The following TNFRSF18 variants were observed in gnomAD, a reference collection of about 807,000 sequenced individuals.
TNFRSF18 encodes TNF receptor superfamily member 18.
A neutral mutation model predicts 30.2 loss-of-function variants in TNFRSF18; 36 were observed. The ratio of observed to expected loss-of-function variants is 1.19; its 90% CI spans 0.91 to 1.58. TNFRSF18 has a LOEUF of 1.58. Among genes scored for constraint, TNFRSF18 ranks in the 40% most tolerant of loss-of-function variants. The probability of loss-of-function intolerance (pLI) is 0.00; values close to 1 mark genes in which losing one functional copy is unlikely to be tolerated. For synonymous variants in TNFRSF18, 173 were observed against 158.3 expected, an observed-to-expected ratio of 1.09 and a Z score of -0.70; for missense variants, 369 against 345.4, an observed-to-expected ratio of 1.07 and a Z score of -0.54.
Position 1,203,559 on chromosome 1 carries a change from G to T in TNFRSF18, c.*285C>A. The T allele has an allele frequency of 6.8e-7, 1 of 1,480,466 alleles. No homozygotes were observed. The allele number at this position is 1,480,466 out of a possible 1,614,324, so 91.7% of individuals were successfully genotyped here. ...CCCCTGCAGCCGGGTCCCGTGCTGG[G>T]CACTGCACACCCACGGACACAGCCT... On this transcript the variant is annotated 3_prime_UTR_variant, in exon 5 of 5. Transcript: ENST00000379268.
chr1:1,204,830 C>T lies in TNFRSF18; in HGVS notation c.311-344G>A, dbSNP rs181816508. Among the ~76,000 whole-genome samples the T allele has an allele frequency of 4.1e-3, 617 of 152,218 alleles. 6 individuals are homozygous for T. The highest frequency in any genetic ancestry group is 0.014 in the African/African-American group (577 of 41,496). On this transcript the variant is annotated intron_variant, in intron 2 of 4. Transcript: ENST00000379268. Reference sequence around the variant, plus strand: ...ACAGAGGGTGGAGAACAGTGAGGGTCCCAGAGAGAGTGAGGCTGGGTCCCA... The same window carrying T: ...ACAGAGGGTGGAGAACAGTGAGGGTTCCAGAGAGAGTGAGGCTGGGTCCCA...
chr1:1,205,684 G>T, intron 1 of TNFRSF18, 192 bp from the exon 2 acceptor site: 1 of 627,834 alleles, frequency 1.6e-6, no homozygotes, highest in Non-Finnish European at 2.7e-6. Flanking sequence ...GGGCCATGTG[G>T]CCTGGCTACT....
At position 1,205,002 on chromosome 1, in the gene TNFRSF18, G is replaced by C. The variant is rs564260219; in HGVS notation, c.310+368C>G. ...GCTGCTCCTTCCAGAACAGGGTGCA[G>C]CCCCAGGCCCCAGACAGGACTCCGG... On this transcript the variant is annotated intron_variant, in intron 2 of 4. Transcript: ENST00000379268. Among the ~76,000 whole-genome samples the C allele has an allele frequency of 1.3e-4, 20 of 152,308 alleles. No individual in the cohort carries two copies. In the South Asian group the frequency reaches 2.9e-3, roughly 22 times the overall value.
chr1:1,205,753 G>C, intron 1 of TNFRSF18: 1 of 491,676 alleles, frequency 2.0e-6, no homozygotes, highest in East Asian at 3.8e-5. Context: ...GCAACCAGGA[G>C]CTGCCCCTGC....
Position 1,204,441 on chromosome 1 carries a change from G to A in TNFRSF18, c.356C>T (p.Thr119Ile). 6.2e-7 allele frequency: 1 copy of A among 1,610,210 alleles called. No homozygotes were observed. ...GTGGCCTTCGTGGCCCCCGGAGAAG[G>A]TCCCCGAGGCACAGTCGATACACTG... ...GFQCIDCASG[T>I]FSGGHEGHCK... Residue 119 changes from threonine (T) to isoleucine (I), a missense_variant, in exon 3 of 5, where the codon ACC becomes ATC. Transcript: ENST00000379268.
At position 1,205,442 on chromosome 1, in the gene TNFRSF18, G is replaced by A; in HGVS notation, c.238C>T (p.His80Tyr). ...WDCMCVQPEFHCGDPCCTTCR... is the reference protein window; with the variant it reads ...WDCMCVQPEFYCGDPCCTTCR... ...GTCGTGCAGCAAGGGTCTCCGCAGT[G>A]GAATTCAGGCTGGACACACATGCAG... The change falls in exon 2 of 5, where the codon CAC becomes TAC. Residue 80 changes from histidine (H) to tyrosine (Y), a missense_variant. By Grantham distance (83) the His-to-Tyr change is moderately conservative (BLOSUM62 2). Transcript: ENST00000379268. The A allele has an allele frequency of 6.2e-7, 1 of 1,612,616 alleles. No individual in the cohort carries two copies. Among genetic ancestry groups the A allele is most frequent in the Admixed American group, 1.7e-5 (1 of 60,000 alleles).
In TNFRSF18 at chr1:1,203,665, G is replaced by A; in HGVS notation, c.*179C>T. The stretch of plus-strand genomic sequence containing the variant: ...TGTGTCTCTCTCTCCCTCCTGCAGG[G>A]CCCAGCCGCGGCCGCCGAACTGCAT... On this transcript the variant is annotated 3_prime_UTR_variant, in exon 5 of 5. Transcript: ENST00000379268. 1 of 1,549,370 alleles carries A rather than the reference G, an allele frequency of 6.5e-7. No individual in the cohort carries two copies. Among genetic ancestry groups the A allele is most frequent in the Non-Finnish European group, 8.7e-7 (1 of 1,155,530 alleles).
intron 1 of TNFRSF18, among the ~76,000 whole-genome samples, chr1:1,206,173 C>G (rs758998069): frequency 1.1e-4 from 16 of 152,196 alleles, no homozygotes; most frequent in Admixed American, 3.3e-4. Flanking sequence ...CACCCCTGCT[C>G]CCGGCCGGGG....
In TNFRSF18 at chr1:1,204,192, G is replaced by A. The variant is rs916776119; in HGVS notation, c.443C>T (p.Thr148Ile). Residue 148 changes from threonine to isoleucine, a missense_variant, in exon 4 of 5, where the codon ACC becomes ATC. Coordinates refer to ENST00000379268, the MANE Select transcript of TNFRSF18 (RefSeq NM_004195.3). Reference sequence around the variant, plus strand: ...CCCTGGGACGCACACAGCGTTGTGGGTCTTGTTCCCAGGGAACACAGTGAG... The same window carrying A: ...CCCTGGGACGCACACAGCGTTGTGGATCTTGTTCCCAGGGAACACAGTGAG... ...GFLTVFPGNK[T>I]HNAVCVPGSP... 15 of 1,612,134 alleles carry A rather than the reference G, an allele frequency of 9.3e-6. No individual in the cohort carries two copies. The highest frequency in any genetic ancestry group is 1.3e-5 in the Non-Finnish European group (15 of 1,179,664).
In TNFRSF18 at chr1:1,205,328, C is replaced by A. The variant is rs772997527; in HGVS notation, c.310+42G>T. On this transcript the variant is annotated intron_variant, in intron 2 of 4. Coordinates refer to ENST00000379268, the MANE Select transcript of TNFRSF18 (RefSeq NM_004195.3). The stretch of plus-strand genomic sequence containing the variant: ...GCTCTGCCTCGGGCCCTAGTGGAAC[C>A]CCTGGCCTGTGTGGACTCCCAGAGG... The A allele has an allele frequency of 2.5e-6, 4 of 1,595,054 alleles. No homozygotes were observed. In the African/African-American group the frequency reaches 5.4e-5, roughly 21 times the overall value.
chr1:1,206,221 G>C (rs1648817927), intron 1 of TNFRSF18, among the ~76,000 whole-genome samples, 164 bp downstream of exon 1: 1 of 152,184 alleles, frequency 6.6e-6, no homozygotes, highest in Non-Finnish European at 1.5e-5. Context: ...CCTCCCTCTG[G>C]GATCCTGCCT....
In TNFRSF18 at chr1:1,204,446, C is replaced by T. The variant is rs765264353; in HGVS notation, c.351G>A (p.Ser117=). The change falls in exon 3 of 5, where the codon TCG becomes TCA. Residue 117 remains serine, a synonymous_variant. Transcript: ENST00000379268. ...SFGFQCIDCA[S]GTFSGGHEGH... ...CTTCGTGGCCCCCGGAGAAGGTCCCCGAGGCACAGTCGATACACTGGAAGC... is the reference window on the plus strand; with the variant it reads ...CTTCGTGGCCCCCGGAGAAGGTCCCTGAGGCACAGTCGATACACTGGAAGC... 2.4e-5 allele frequency: 38 copies of T among 1,583,120 alleles called. No homozygotes were observed. In the East Asian group the frequency reaches 3.5e-4, roughly 15 times the overall value.
chr1:1,203,756 G>T lies in TNFRSF18; in HGVS notation c.*88C>A, dbSNP rs766241315. 1.3e-6 allele frequency: 2 copies of T among 1,561,498 alleles called. No individual in the cohort carries two copies. Among genetic ancestry groups the T allele is most frequent in the Admixed American group, 1.8e-5 (1 of 54,442 alleles). ...TCTGCTGCCAGGGGAGCAGGGCCCG[G>T]CCCAGAGCAGAACGCAGAGCCCCTG... On this transcript the variant is annotated 3_prime_UTR_variant, in exon 5 of 5. Transcript: ENST00000379268.
Position 1,205,417 on chromosome 1 carries a change from G to A in TNFRSF18, c.263C>T (p.Thr88Ile). ...EFHCGDPCCT[T>I]CRHHPCPPGQ... ...TGGGGGACAAGGGTGGTGCCGGCAG[G>A]TCGTGCAGCAAGGGTCTCCGCAGTG... Residue 88 changes from threonine to isoleucine, a missense_variant, in exon 2 of 5, where the codon ACC (threonine) becomes ATC (isoleucine). Transcript: ENST00000379268. 6.2e-7 allele frequency: 1 copy of A among 1,612,648 alleles called. No homozygotes were observed. The highest frequency in any genetic ancestry group is 8.5e-7 in the Non-Finnish European group (1 of 1,179,854).
rs377051578 is a variant in TNFRSF18 at position 1,203,734 on chromosome 1, G to A, written c.*110C>T. On this transcript the variant is annotated 3_prime_UTR_variant, in exon 5 of 5. Transcript: ENST00000379268. The stretch of plus-strand genomic sequence containing the variant: ...CTGCCACCTTCCTGCACCCACTTCT[G>A]CTGCCAGGGGAGCAGGGCCCGGCCC... 31 of 1,560,180 alleles carry A rather than the reference G, an allele frequency of 2.0e-5. No individual in the cohort carries two copies. The African/African-American group carries it at 3.6e-4, about 18-fold the overall frequency.
At chr1:1,205,620 G>A (rs1428686990) in intron 1 of TNFRSF18, 128 bp from the exon 2 acceptor site, 2 of 1,012,602 alleles carry the variant, frequency 2.0e-6, no homozygotes, top group Non-Finnish European at 2.9e-6. Context: ...GGGAGCAGAG[G>A]GCTCCTGGCT....
rs747069708 is a variant in TNFRSF18 at position 1,206,460 on chromosome 1, G to T, written c.112C>A (p.Arg38Ser). ...TCCGTTCCCGTCCCAAGCAGGAGGC[G>T]CCCAGGGCCGCACCCGGGACCCCCG... ...PTGGPGCGPG[R>S]LLLGTGTDAR... The change falls in exon 1 of 5, where the codon CGC becomes AGC. Residue 38 changes from arginine (R) to serine (S), a missense_variant. By Grantham distance (110) the Arg-to-Ser change is moderately radical. Coordinates refer to ENST00000379268, the MANE Select transcript of TNFRSF18 (RefSeq NM_004195.3). The T allele has an allele frequency of 1.3e-6, 2 of 1,546,878 alleles. No individual in the cohort carries two copies. The highest frequency in any genetic ancestry group is 8.7e-7 in the Non-Finnish European group (1 of 1,146,028).
At chr1:1,205,024 C>T (rs533228939) in intron 2 of TNFRSF18, among the ~76,000 whole-genome samples, 2 of 152,304 alleles carry the variant, frequency 1.3e-5, no homozygotes, top group South Asian at 4.1e-4. Flanking sequence ...AGACAGGACT[C>T]CGGGGGGCAC....
At chr1:1,204,825 A>G (rs1648734456) in intron 2 of TNFRSF18, among the ~76,000 whole-genome samples, 1 of 152,104 alleles carries the variant, frequency 6.6e-6, no homozygotes, top group African/African-American at 2.4e-5. Context: ...GAGAACAGTG[A>G]GGGTCCCAGA....
Sources: gnomAD v4.1 joint callset for allele counts (sites outside exome capture counted in the v4.1 genomes callset) on GRCh38, gnomAD v4.1.1 for gene constraint, MANE v1.5 for transcripts, NCBI Gene and HGNC (gene_info 2026-07-23, HGNC 2026-07-21) for gene names.